Variants in TSC22D2 observed in about 807,000 individuals in gnomAD.
TSC22D2 encodes the protein TSC22 domain family protein 2.
A neutral mutation model predicts 50.1 loss-of-function variants in TSC22D2; 5 were observed. That is an observed-to-expected ratio of 0.10 (90% CI 0.05 to 0.21). TSC22D2 has a LOEUF of 0.21. TSC22D2 is among the 10% of genes least tolerant of loss of function. The pLI is 1.00. For synonymous variants in TSC22D2, 501 were observed against 450.1 expected, an observed-to-expected ratio of 1.11 and a Z score of -1.43; for missense variants, 1,003 against 1,015.5, an observed-to-expected ratio of 0.99 and a Z score of 0.17.
intron 1 of TSC22D2, among the ~76,000 whole-genome samples, chr3:150,440,196 T>C (rs1720672488): frequency 6.6e-6 from 1 of 152,164 alleles, no homozygotes; most frequent in African/African-American, 2.4e-5. Flanking sequence ...TGGGTATCAG[T>C]ATGCTGGTAT....
chr3:150,437,859 A>T lies in TSC22D2; in HGVS notation c.1959-19217A>T, dbSNP rs535198746. Among the ~76,000 whole-genome samples the T allele has an allele frequency of 5.3e-5, 8 of 152,040 alleles. No homozygotes were observed. The South Asian group carries it at 1.7e-3, about 32-fold the overall frequency. The stretch of plus-strand genomic sequence containing the variant: ...AAAATAAAATAAGAAACTCATATAC[A>T]TGGATGTGGACCAAACAATATAACT... On this transcript the variant is annotated intron_variant, in intron 1 of 2. Coordinates refer to ENST00000688009, the MANE Select transcript of TSC22D2 (RefSeq NM_001303264.2).
At position 150,410,185 on chromosome 3, in the gene TSC22D2, C is replaced by T. The variant is rs934531840; in HGVS notation, c.835C>T (p.Pro279Ser). The T allele has an allele frequency of 1.2e-6, 2 of 1,607,456 alleles. No individual in the cohort carries two copies. Among genetic ancestry groups the T allele is most frequent in the Middle Eastern group, 3.3e-4 (2 of 6,040 alleles). ...CGTTGGGCAGCCACAGCCGCCGCCG[C>T]CACCCGTAGGTGGGGCTGTGGCTCA... Reference protein sequence around the residue: ...FSVGQPQPPPPPVGGAVAQSS... With the variant: ...FSVGQPQPPPSPVGGAVAQSS... The change falls in exon 1 of 3, where the codon CCA becomes TCA. Residue 279 changes from proline (P) to serine (S), a missense_variant. By Grantham distance (74) the Pro-to-Ser change is moderately conservative. This residue lies in a region of TSC22D2 where 696 missense variants were observed against 647.8 expected (regional missense o/e 1.07). Transcript: ENST00000688009.
intron 1 of TSC22D2, among the ~76,000 whole-genome samples, chr3:150,452,183 C>T (rs572025840): frequency 2.0e-4 from 30 of 152,280 alleles, no homozygotes; most frequent in African/African-American, 5.1e-4. Flanking sequence ...TGGTGGCTCA[C>T]GCCTGTAATC....
intron 2 of TSC22D2, 49 bp from the exon 3 acceptor site, chr3:150,458,327 C>A: frequency 6.4e-7 from 1 of 1,572,858 alleles, no homozygotes; most frequent in South Asian, 1.2e-5. Context: ...CAGATAGCAC[C>A]ACCTTTATCT....
Position 150,409,306 on chromosome 3 carries a change from C to T in TSC22D2, c.-45C>T, listed in dbSNP as rs369002035. 88 of 1,546,780 alleles carry T rather than the reference C, an allele frequency of 5.7e-5. No homozygotes were observed. The highest frequency in any genetic ancestry group is 6.3e-5 in the Non-Finnish European group (72 of 1,143,034). Reference sequence around the variant, plus strand: ...CTGCCCTCCCCGGTTTCCGACAGGACCCAGAGGAGCCGGCGTGCCTCTCTG... The same window carrying T: ...CTGCCCTCCCCGGTTTCCGACAGGATCCAGAGGAGCCGGCGTGCCTCTCTG... On this transcript the variant is annotated 5_prime_UTR_variant, in exon 1 of 3. Transcript: ENST00000688009. This position sits in a 1 kb window ranked among gnomAD's most constrained non-coding sequence, Gnocchi z 7.4.
chr3:150,426,621 G>T (rs1483518594), intron 1 of TSC22D2, among the ~76,000 whole-genome samples: 2 of 152,142 alleles, frequency 1.3e-5, no homozygotes, highest in Non-Finnish European at 2.9e-5. Context: ...GCACTTGCAG[G>T]GCTTTTGTCT....
chr3:150,427,843 T>C (rs1720242892), intron 1 of TSC22D2, among the ~76,000 whole-genome samples: 2 of 152,008 alleles, frequency 1.3e-5, no homozygotes, highest in Non-Finnish European at 2.9e-5. Context: ...TTTATTTTAC[T>C]TTTTAATCTG....
At chr3:150,411,394 A>G in intron 1 of TSC22D2, 86 bp downstream of exon 1, 3 of 1,377,984 alleles carry the variant, frequency 2.2e-6, no homozygotes, top group Non-Finnish European at 2.9e-6. Flanking sequence ...ATTGTTGTCA[A>G]CGGAGGCCCT....
chr3:150,455,818 G>T (rs779391463), intron 1 of TSC22D2, among the ~76,000 whole-genome samples: 3 of 151,956 alleles, frequency 2.0e-5, no homozygotes, highest in Non-Finnish European at 4.4e-5. Context: ...TTATCTTTTC[G>T]TATTGATACA....
intron 1 of TSC22D2, among the ~76,000 whole-genome samples, chr3:150,433,166 C>A (rs1219385474): frequency 6.6e-6 from 1 of 152,046 alleles, no homozygotes; most frequent in African/African-American, 2.4e-5. Context: ...AGTTTATCTC[C>A]CAGTTGTTTC....
At chr3:150,425,001 T>A (rs997336528) in intron 1 of TSC22D2, among the ~76,000 whole-genome samples, 8 of 152,202 alleles carry the variant, frequency 5.3e-5, no homozygotes, top group Non-Finnish European at 1.2e-4. Flanking sequence ...TCTACAGAAT[T>A]ACTGATAGGT....
At chr3:150,421,190 C>T (rs912465186) in intron 1 of TSC22D2, among the ~76,000 whole-genome samples, 4 of 152,128 alleles carry the variant, frequency 2.6e-5, no homozygotes, top group African/African-American at 7.2e-5. Flanking sequence ...GAATAACTTC[C>T]AAGATACTCT....
Position 150,458,880 on chromosome 3 carries a change from G to A in TSC22D2, c.*244G>A. 1 of 434,186 alleles carries A rather than the reference G, an allele frequency of 2.3e-6. No individual in the cohort carries two copies. The highest frequency in any genetic ancestry group is 4.0e-6 in the Non-Finnish European group (1 of 248,554). The allele number at this position is 434,186 out of a possible 1,614,324, so 26.9% of individuals were successfully genotyped here. ...TAATAGATGGGGTTTATTAAAGCGA[G>A]CAAAGTCTGCATTTTACCTGGTGCG... On this transcript the variant is annotated 3_prime_UTR_variant, in exon 3 of 3. Coordinates refer to ENST00000688009, the MANE Select transcript of TSC22D2 (RefSeq NM_001303264.2).
At chr3:150,455,481 G>A (rs951660623) in intron 1 of TSC22D2, among the ~76,000 whole-genome samples, 5 of 152,194 alleles carry the variant, frequency 3.3e-5, no homozygotes, top group Non-Finnish European at 7.3e-5. Flanking sequence ...AATTAATGTG[G>A]TTAATGCTCA....
Position 150,408,960 on chromosome 3 carries a change from C to T in TSC22D2, c.-391C>T. 1 of 173,822 alleles carries T rather than the reference C, an allele frequency of 5.8e-6. No homozygotes were observed. The highest frequency in any genetic ancestry group is 1.2e-5 in the Non-Finnish European group (1 of 80,936). The allele number at this position is 173,822 out of a possible 1,614,324, so 10.8% of individuals were successfully genotyped here. On this transcript the variant is annotated 5_prime_UTR_variant, in exon 1 of 3. Transcript: ENST00000688009. ...CACTCCCACCCCCAGCCAAGGCCTG[C>T]TGACCGCGCCGAGCGCCGAGCTGGA...
rs1223190949 is a variant in TSC22D2, at chr3:150,466,195, A to T, written c.*7559A>T. ...TACTAGTGATGTTAAATCACATCAC[A>T]CACACACACACACACACACACACAC... On this transcript the variant is annotated 3_prime_UTR_variant, in exon 3 of 3. Transcript: ENST00000688009. 2 of 70,660 alleles carry T rather than the reference A, an allele frequency of 2.8e-5. No individual in the cohort carries two copies. Among genetic ancestry groups the T allele is most frequent in the East Asian group, 1.1e-3 (2 of 1,846 alleles). The allele number at this position is 70,660 out of a possible 1,614,324, so 4.4% of individuals were successfully genotyped here. A position where few individuals can be genotyped will look rare whatever the true frequency, so the allele number is the denominator to read the frequency against.
At chr3:150,423,090 C>A in intron 1 of TSC22D2, 1 of 1,612,694 alleles carries the variant, frequency 6.2e-7, no homozygotes. Context: ...CATTTGAACA[C>A]GTTAAAGGAA....
chr3:150,457,099 C>G lies in TSC22D2; in HGVS notation c.1982C>G (p.Ala661Gly). The change falls in exon 2 of 3, where the codon GCC becomes GGC. Residue 661 changes from alanine to glycine, a missense_variant. Ala to Gly is a moderately conservative substitution (Grantham distance 60). Coordinates refer to ENST00000688009, the MANE Select transcript of TSC22D2 (RefSeq NM_001303264.2). The stretch of plus-strand genomic sequence containing the variant: ...AGTGCATCTGGGGGAGGTGTTGTAG[C>G]CATTGACAACAAAATAGAACAAGCA... ...EDSASGGGVVAIDNKIEQAMD... is the reference protein window; with the variant it reads ...EDSASGGGVVGIDNKIEQAMD... 1 of 1,611,656 alleles carries G rather than the reference C, an allele frequency of 6.2e-7. No individual in the cohort carries two copies.
Position 150,463,117 on chromosome 3 carries a change from C to T in TSC22D2, c.*4481C>T, listed in dbSNP as rs887406951. The T allele has an allele frequency of 1.3e-5, 2 of 152,180 alleles. No homozygotes were observed. Among genetic ancestry groups the T allele is most frequent in the African/African-American group, 4.8e-5 (2 of 41,438 alleles). The allele number at this position is 152,180 out of a possible 1,614,324, so 9.4% of individuals were successfully genotyped here. A position where few individuals can be genotyped will look rare whatever the true frequency, so the allele number is the denominator to read the frequency against. On this transcript the variant is annotated 3_prime_UTR_variant, in exon 3 of 3. Coordinates refer to ENST00000688009, the MANE Select transcript of TSC22D2 (RefSeq NM_001303264.2). Reference sequence around the variant, plus strand: ...GAATGGAACCTTTGCTGTCACTATGCCTGTCTCTCAATTCTACCCTAAAGG... The same window carrying T: ...GAATGGAACCTTTGCTGTCACTATGTCTGTCTCTCAATTCTACCCTAAAGG...
Sources: gnomAD v4.1 joint callset for allele counts (sites outside exome capture counted in the v4.1 genomes callset) on GRCh38, gnomAD v4.1.1 for gene constraint, gnomAD v4.1.1 regional missense constraint, Gnocchi (gnomAD v3.1) non-coding constraint, MANE v1.5 for transcripts, NCBI Gene and HGNC (gene_info 2026-07-23, HGNC 2026-07-21) for gene names.